Variants in PTPRN2 observed in about 807,000 individuals in gnomAD.
The protein encoded by PTPRN2 is protein tyrosine phosphatase receptor type N2, also known as receptor-type tyrosine-protein phosphatase N2.
PTPRN2 carries 74 observed loss-of-function variants against 118.8 expected under a neutral mutation model. That is an observed-to-expected ratio of 0.62 (90% confidence interval 0.52 to 0.76). The LOEUF (loss-of-function observed/expected upper bound fraction) is 0.76, where lower values mean the gene tolerates loss of function less well. PTPRN2 is among the 30% of genes least tolerant of loss of function. The probability of loss-of-function intolerance (pLI) is 0.00; values close to 1 mark genes in which losing one functional copy is unlikely to be tolerated. For missense variants in PTPRN2, 1,481 were observed against 1,394.4 expected (o/e 1.06, Z -0.99); for synonymous variants, 641 against 608.0 (o/e 1.05, Z -0.80).
chr7:157,961,802 A>G (rs1801556814), intron 11 of PTPRN2, among the ~76,000 whole-genome samples: 1 of 152,204 alleles, frequency 6.6e-6, no homozygotes, highest in African/African-American at 2.4e-5. Context: ...ACATGTGTCT[A>G]CTTATGGGAG....
intron 11 of PTPRN2, among the ~76,000 whole-genome samples, chr7:157,954,506 GGTGTGTGTGTGTGGTGC>G (rs1801056788): frequency 2.1e-5 from 1 of 47,984 alleles, no homozygotes; most frequent in Admixed American, 2.5e-4. Flanking sequence ...TACTGTGTGT[GGTGTGTGTGTGTGGTGC>G]ACGTGTGCTG....
intron 12 of PTPRN2, among the ~76,000 whole-genome samples, chr7:157,837,539 A>C: frequency 6.6e-6 from 1 of 150,640 alleles, no homozygotes; most frequent in Admixed American, 6.7e-5. Flanking sequence ...CATTCTGTGG[A>C]GGTCGACTCC....
intron 12 of PTPRN2, among the ~76,000 whole-genome samples, chr7:157,842,271 A>G (rs1466935717): frequency 6.6e-6 from 1 of 152,048 alleles, no homozygotes; most frequent in Non-Finnish European, 1.5e-5. Flanking sequence ...AGCGCGCTCC[A>G]ATCAGCCGCC....
chr7:157,777,977 CAAAAA>C (rs5888729), intron 12 of PTPRN2, among the ~76,000 whole-genome samples: 1 of 109,660 alleles, frequency 9.1e-6, no homozygotes, highest in Admixed American at 9.7e-5. Context: ...TACACCACAG[CAAAAA>C]AAAAAAAAAA....
At chr7:158,241,726 T>A (rs1795915413) in intron 3 of PTPRN2, among the ~76,000 whole-genome samples, 1 of 152,164 alleles carries the variant, frequency 6.6e-6, no homozygotes, top group Non-Finnish European at 1.5e-5. Context: ...ATCTTATGAT[T>A]GATTTTACAG....
chr7:157,683,828 C>T (rs1011418065), intron 12 of PTPRN2, among the ~76,000 whole-genome samples: 1 of 152,150 alleles, frequency 6.6e-6, no homozygotes, highest in Non-Finnish European at 1.5e-5. Context: ...GGAAGGCCGC[C>T]CCGCAGACCG....
At chr7:158,166,810 G>T in intron 6 of PTPRN2, 121 bp downstream of exon 6, 1 of 1,250,274 alleles carries the variant, frequency 8.0e-7, no homozygotes, top group Non-Finnish European at 1.0e-6. Flanking sequence ...CCTGCCACGC[G>T]TCCTCGGGGG....
rs144577780 is a variant in PTPRN2 at position 157,560,905 on chromosome 7, C to G, written c.2902+7997G>C. ...AGCTTTCCCAATTCTGCCCAGCCCTCGCGTCCCCCTAAGTCTCATCTGCAG... is the reference window on the plus strand; with the variant it reads ...AGCTTTCCCAATTCTGCCCAGCCCTGGCGTCCCCCTAAGTCTCATCTGCAG... On this transcript the variant is annotated intron_variant, in intron 21 of 22. Coordinates refer to ENST00000389418, the MANE Select transcript of PTPRN2 (RefSeq NM_002847.5). The surrounding 1 kb of genome is among the most constrained non-coding windows in gnomAD (Gnocchi z 6.7). Among the ~76,000 whole-genome samples the G allele has an allele frequency of 6.6e-6, 1 of 152,120 alleles. No homozygotes were observed. The highest frequency in any genetic ancestry group is 6.5e-5 in the Admixed American group (1 of 15,278).
At position 157,669,601 on chromosome 7, in the gene PTPRN2, C is replaced by T. The variant is rs780155040; in HGVS notation, c.2002-13050G>A. On this transcript the variant is annotated intron_variant, in intron 13 of 22. Coordinates refer to ENST00000389418, the MANE Select transcript of PTPRN2 (RefSeq NM_002847.5). ...CGGGCAAACAAGCCGAGTCAGCCCA[C>T]GATGAGCGATGTTGGCCAAGCAATA... The T allele has an allele frequency of 2.5e-5, 12 of 474,994 alleles. No homozygotes were observed. In the East Asian group the frequency reaches 3.2e-4, roughly 13 times the overall value. The allele number at this position is 474,994 out of a possible 1,614,324, so 29.4% of individuals were successfully genotyped here.
At chr7:157,817,519 C>T (rs1297392833) in intron 12 of PTPRN2, among the ~76,000 whole-genome samples, 1 of 152,172 alleles carries the variant, frequency 6.6e-6, no homozygotes, top group Non-Finnish European at 1.5e-5. Flanking sequence ...TTCATCCCAT[C>T]CAGTCCTCCC....
intron 3 of PTPRN2, among the ~76,000 whole-genome samples, chr7:158,244,549 T>G (rs199546975): frequency 2.6e-5 from 4 of 151,526 alleles, no homozygotes; most frequent in Admixed American, 6.6e-5. Flanking sequence ...AGCATGTTTT[T>G]TGTGTGTGTT....
At chr7:157,744,584 C>T (rs1800813868) in intron 12 of PTPRN2, among the ~76,000 whole-genome samples, 1 of 152,172 alleles carries the variant, frequency 6.6e-6, no homozygotes, top group South Asian at 2.1e-4. Context: ...CCATCTAGAA[C>T]CTCAATTTAA....
Position 158,187,960 on chromosome 7 carries a change from C to G in PTPRN2, c.549+4367G>C, listed in dbSNP as rs1412335759. On this transcript the variant is annotated intron_variant, in intron 5 of 22. Transcript: ENST00000389418. Reference sequence around the variant, plus strand: ...ATTTGACATGACCGGTGCCCACGCCCCTCTCCCATTCCTCTTTCTTGAAAT... The same window carrying G: ...ATTTGACATGACCGGTGCCCACGCCGCTCTCCCATTCCTCTTTCTTGAAAT... 4.6e-5 allele frequency among the ~76,000 whole-genome samples: 7 copies of G among 152,262 alleles called. No homozygotes were observed. In the East Asian group the frequency reaches 1.2e-3, roughly 25 times the overall value.
chr7:157,921,332 G>C (rs1401767852), intron 11 of PTPRN2, among the ~76,000 whole-genome samples: 1 of 152,192 alleles, frequency 6.6e-6, no homozygotes, highest in Non-Finnish European at 1.5e-5. Context: ...TGGGGGAAGA[G>C]AGAGGTACCA....
At position 157,928,801 on chromosome 7, in the gene PTPRN2, G is replaced by A. The variant is rs1163369455; in HGVS notation, c.1724-30064C>T. Among the ~76,000 whole-genome samples, 3 of 147,802 alleles carry A rather than the reference G, an allele frequency of 2.0e-5. No individual in the cohort carries two copies. In the East Asian group the frequency reaches 6.2e-4, roughly 30 times the overall value. On this transcript the variant is annotated intron_variant, in intron 11 of 22. Transcript: ENST00000389418. ...GGGCAGATGGCAGGGCACAGGGATA[G>A]AGGGCAGGAGAAAGGGCAGGGCAGA...
intron 12 of PTPRN2, among the ~76,000 whole-genome samples, chr7:157,824,878 C>T (rs1218111236): frequency 6.6e-6 from 1 of 152,212 alleles, no homozygotes; most frequent in East Asian, 1.9e-4. Context: ...GGAACCACTT[C>T]CACATGCTGA....
At chr7:158,519,753 C>T (rs1823846235) in intron 1 of PTPRN2, among the ~76,000 whole-genome samples, 1 of 152,116 alleles carries the variant, frequency 6.6e-6, no homozygotes. Context: ...CCATCCCAAG[C>T]AGCCAAGGGA....
At chr7:157,569,110 C>G (rs1210172913) in intron 20 of PTPRN2, 144 bp from the exon 21 acceptor site, 11 of 810,064 alleles carry the variant, frequency 1.4e-5, no homozygotes, top group Non-Finnish European at 2.0e-5. Context: ...GGAGGAAGGA[C>G]GCGGGCTGGG....
At chr7:157,846,796 C>T (rs1461696088) in intron 12 of PTPRN2, among the ~76,000 whole-genome samples, 1 of 150,704 alleles carries the variant, frequency 6.6e-6, no homozygotes, top group East Asian at 2.0e-4. Context: ...TCATGCGTGC[C>T]CGATATCTAC....
Sources: allele counts gnomAD v4.1 joint callset (sites outside exome capture counted in the v4.1 genomes callset), GRCh38; gene constraint gnomAD v4.1.1; non-coding constraint Gnocchi (gnomAD v3.1); transcripts MANE v1.5; gene names NCBI Gene and HGNC (gene_info 2026-07-23, HGNC 2026-07-21).